Variants in ADGRL2 observed in about 807,000 individuals in gnomAD.
The protein encoded by ADGRL2 is calcium-independent alpha-latrotoxin receptor 2.
ADGRL2 carries 44 observed loss-of-function variants against 157.4 expected under a neutral mutation model. That is an observed-to-expected ratio of 0.28 (90% CI 0.22 to 0.36). ADGRL2 has a LOEUF of 0.36. Ranked by LOEUF, ADGRL2 falls within the 10% of genes least tolerant of loss-of-function variation. The pLI is 1.00. For missense variants in ADGRL2, 1,510 were observed against 1,768.9 expected (o/e 0.85, Z 2.63); for synonymous variants, 585 against 624.7 (o/e 0.94, Z 0.95).
chr1:81,711,739 C>T (rs1337001605), intron 1 of ADGRL2, among the ~76,000 whole-genome samples: 2 of 152,080 alleles, frequency 1.3e-5, no homozygotes, highest in East Asian at 3.9e-4. Context: ...CAAATGTCAA[C>T]AGAGTGAAAA....
At chr1:81,460,968 T>C (rs2077914775) in intron 2 of ADGRL2, among the ~76,000 whole-genome samples, 1 of 152,222 alleles carries the variant, frequency 6.6e-6, no homozygotes, top group Non-Finnish European at 1.5e-5. Context: ...TGACGGCATA[T>C]GGTCAGGATT....
At chr1:81,335,536 GA>G (rs1661574077) in intron 1 of ADGRL2, among the ~76,000 whole-genome samples, 1 of 152,162 alleles carries the variant, frequency 6.6e-6, no homozygotes, top group African/African-American at 2.4e-5. Flanking sequence ...TTTAGTGTGA[GA>G]AATAAAATAT....
intron 2 of ADGRL2, among the ~76,000 whole-genome samples, chr1:81,791,513 T>C (rs950861086): frequency 2.6e-5 from 4 of 152,020 alleles, no homozygotes; most frequent in African/African-American, 7.2e-5. Flanking sequence ...AGGAAATCTG[T>C]TGATAGGAGG....
upstream of ADGRL2, among the ~76,000 whole-genome samples, chr1:81,797,058 A>G (rs559889980): frequency 6.6e-6 from 1 of 152,298 alleles, no homozygotes; most frequent in South Asian, 2.1e-4. Flanking sequence ...AGTTCTAGTT[A>G]AGTTTGGCAT....
chr1:81,538,483 G>C (rs528454201), intron 2 of ADGRL2, among the ~76,000 whole-genome samples: 23 of 152,274 alleles, frequency 1.5e-4, no homozygotes, highest in African/African-American at 2.9e-4. Flanking sequence ...GACATACTCT[G>C]AAATTTACAC....
intron 2 of ADGRL2, among the ~76,000 whole-genome samples, chr1:81,445,519 C>A (rs1333361325): frequency 6.6e-6 from 1 of 152,076 alleles, no homozygotes; most frequent in African/African-American, 2.4e-5. Context: ...TACAAAATAT[C>A]CTGTGGTGGT....
At chr1:81,758,225 C>T (rs1043964741) in intron 1 of ADGRL2, among the ~76,000 whole-genome samples, 24 of 152,076 alleles carry the variant, frequency 1.6e-4, no homozygotes, top group African/African-American at 5.8e-4. Flanking sequence ...CTTAAGTGAA[C>T]ATAGAGTTTG....
chr1:81,476,433 G>A (rs767666228), intron 2 of ADGRL2, among the ~76,000 whole-genome samples: 3 of 152,244 alleles, frequency 2.0e-5, no homozygotes, highest in Non-Finnish European at 2.9e-5. Flanking sequence ...TGCTCAAGAA[G>A]AAGAGAAAAA....
intron 1 of ADGRL2, among the ~76,000 whole-genome samples, chr1:81,371,858 G>T (rs763510708): frequency 1.3e-5 from 2 of 152,040 alleles, no homozygotes; most frequent in Non-Finnish European, 2.9e-5. Context: ...TAATTGCTGG[G>T]AATATTGAAA....
intron 1 of ADGRL2, among the ~76,000 whole-genome samples, chr1:81,441,479 T>C (rs1014034586): frequency 6.6e-6 from 1 of 152,190 alleles, no homozygotes; most frequent in African/African-American, 2.4e-5. Flanking sequence ...ATGAAACCTC[T>C]AGCCCAAACT....
At chr1:81,948,370 C>T (rs1402649763) in intron 6 of ADGRL2, among the ~76,000 whole-genome samples, 1 of 151,862 alleles carries the variant, frequency 6.6e-6, no homozygotes, top group East Asian at 1.9e-4. Flanking sequence ...TTATGAATCT[C>T]AACTAATGCT....
intron 18 of ADGRL2, chr1:81,980,851 C>A (rs1157405268): frequency 3.0e-6 from 2 of 677,626 alleles, no homozygotes; most frequent in Non-Finnish European, 5.6e-6. Context: ...TAAGGTAGAA[C>A]CCTACATTAA....
chr1:81,311,134 G>T (rs1447192267), intron 1 of ADGRL2, among the ~76,000 whole-genome samples: 8 of 152,136 alleles, frequency 5.3e-5, no homozygotes, highest in South Asian at 4.1e-4. Flanking sequence ...GTTTAGACTG[G>T]ACAGTTAACA....
chr1:81,428,617 A>G (rs2077263499), intron 1 of ADGRL2, among the ~76,000 whole-genome samples: 1 of 152,164 alleles, frequency 6.6e-6, no homozygotes, highest in Non-Finnish European at 1.5e-5. Flanking sequence ...TTTTAGAGGA[A>G]GAGTAAAGGA....
At chr1:81,575,149 A>G (rs2080772419) in intron 2 of ADGRL2, among the ~76,000 whole-genome samples, 1 of 152,192 alleles carries the variant, frequency 6.6e-6, no homozygotes, top group Non-Finnish European at 1.5e-5. Context: ...TATTTCTGTC[A>G]ATTCTAGTAA....
intron 1 of ADGRL2, among the ~76,000 whole-genome samples, chr1:81,748,304 C>T (rs1471274110): frequency 6.6e-6 from 1 of 151,348 alleles, no homozygotes; most frequent in Non-Finnish European, 1.5e-5. Context: ...TGGGGAAATC[C>T]CGTCTCTACT....
intron 1 of ADGRL2, among the ~76,000 whole-genome samples, chr1:81,802,524 G>C (rs2088396072): frequency 6.6e-6 from 1 of 152,094 alleles, no homozygotes; most frequent in Non-Finnish European, 1.5e-5. Flanking sequence ...CTAGTTGCCG[G>C]GGGCGCTGGC....
intron 2 of ADGRL2, among the ~76,000 whole-genome samples, chr1:81,472,994 T>C (rs974964149): frequency 2.6e-5 from 4 of 152,116 alleles, no homozygotes; most frequent in African/African-American, 9.7e-5. Flanking sequence ...TCAACCACTT[T>C]ATGGAAATTT....
chr1:81,965,792 G>A (rs978882860), intron 11 of ADGRL2, among the ~76,000 whole-genome samples: 1 of 152,112 alleles, frequency 6.6e-6, no homozygotes, highest in Non-Finnish European at 1.5e-5. Flanking sequence ...CTAACAGATT[G>A]GTATTAGTTC....
Sources: gnomAD v4.1 joint callset for allele counts (sites outside exome capture counted in the v4.1 genomes callset) on GRCh38, gnomAD v4.1.1 for gene constraint, MANE v1.5 for transcripts, NCBI Gene and HGNC (gene_info 2026-07-23, HGNC 2026-07-21) for gene names.